The following RNF38 variants were observed in gnomAD, a reference collection of about 807,000 sequenced individuals.
RNF38 encodes ring finger protein 38.
A neutral mutation model predicts 67.2 loss-of-function variants in RNF38; 15 were observed. The ratio of observed to expected loss-of-function variants is 0.22; its 90% CI spans 0.15 to 0.34. The LOEUF is 0.34. RNF38 is among the 10% of genes least tolerant of loss of function. RNF38 has a pLI of 1.00. For synonymous variants in RNF38, 220 were observed against 218.8 expected (o/e 1.01, Z -0.05); for missense variants, 524 against 639.9 (o/e 0.82, Z 1.95).
At chr9:36,443,037 T>C (rs1237045480) in intron 1 of RNF38, among the ~76,000 whole-genome samples, 1 of 152,212 alleles carries the variant, frequency 6.6e-6, no homozygotes, top group East Asian at 1.9e-4. Flanking sequence ...AATGTGAACC[T>C]AGAAGAAAAG....
rs1312794726 is a variant in RNF38, at chr9:36,432,477, G to C, written n.242-7794C>G. ...CCACTCATAACTTCCCATTTTACAA[G>C]GGTCAATGGTAAAATTCAAAGAAAT... On this transcript the variant is annotated intron_variant and non_coding_transcript_variant, in intron 1 of 3. Coordinates refer to the RNF38 transcript ENST00000488058. Among the ~76,000 whole-genome samples the C allele has an allele frequency of 2.0e-5, 3 of 152,112 alleles. No individual in the cohort carries two copies. The East Asian group carries it at 5.8e-4, about 29-fold the overall frequency.
At chr9:36,399,170 C>T (rs1837788335) in intron 1 of RNF38, among the ~76,000 whole-genome samples, 1 of 152,124 alleles carries the variant, frequency 6.6e-6, no homozygotes, top group South Asian at 2.1e-4. Context: ...TAATACTTGA[C>T]AATTTAACTA....
At chr9:36,400,499 G>C (rs1300443066), upstream of RNF38, 23 of 1,002,610 alleles carry the variant, frequency 2.3e-5, no homozygotes, top group South Asian at 9.0e-5. Context: ...GGCTCTCAAC[G>C]GCCCGCAGCC....
chr9:36,483,764 G>A (rs1840336341), intron 1 of RNF38, among the ~76,000 whole-genome samples: 1 of 152,078 alleles, frequency 6.6e-6, no homozygotes, highest in Admixed American at 6.6e-5. Flanking sequence ...TTACCTTTGG[G>A]GGTTTTACTT....
intron 2 of RNF38, among the ~76,000 whole-genome samples, chr9:36,380,587 G>A (rs929113215): frequency 7.2e-5 from 11 of 152,232 alleles, no homozygotes; most frequent in African/African-American, 2.6e-4. Context: ...CCACATCCCG[G>A]GCTAAAGAGA....
intron 2 of RNF38, among the ~76,000 whole-genome samples, chr9:36,388,974 A>G (rs1189724005): frequency 6.6e-6 from 1 of 152,090 alleles, no homozygotes; most frequent in African/African-American, 2.4e-5. Flanking sequence ...AAAAGATATC[A>G]ACTAGCTGAA....
At chr9:36,405,198 C>T (rs908819418), upstream of RNF38, among the ~76,000 whole-genome samples, 6 of 151,738 alleles carry the variant, frequency 4.0e-5, no homozygotes, top group Admixed American at 1.3e-4. Context: ...ACCCAGGAGG[C>T]GGAGGTTGCA....
At chr9:36,448,430 T>C (rs558150144) in intron 1 of RNF38, among the ~76,000 whole-genome samples, 117 of 152,192 alleles carry the variant, frequency 7.7e-4, no homozygotes, top group Non-Finnish European at 1.4e-3. Flanking sequence ...CAACAAATAC[T>C]AGTCCTGTCC....
intron 1 of RNF38, among the ~76,000 whole-genome samples, chr9:36,449,863 T>C (rs1299050720): frequency 6.6e-6 from 1 of 152,190 alleles, no homozygotes; most frequent in Non-Finnish European, 1.5e-5. Context: ...TCCAATATCA[T>C]GTTTTATTTT....
chr9:36,467,481 G>A (rs1049516123), intron 1 of RNF38, among the ~76,000 whole-genome samples: 3 of 152,066 alleles, frequency 2.0e-5, no homozygotes, highest in Non-Finnish European at 4.4e-5. Flanking sequence ...GGGCCTGAGA[G>A]AAGAGCCTAG....
chr9:36,355,563 A>AT (rs1834039149), intron 6 of RNF38, among the ~76,000 whole-genome samples: 1 of 152,216 alleles, frequency 6.6e-6, no homozygotes, highest in Non-Finnish European at 1.5e-5. Context: ...CCTTGCCTAA[A>AT]TGAATACAAA....
intron 4 of RNF38, among the ~76,000 whole-genome samples, chr9:36,360,064 C>A (rs1162230421): frequency 2.0e-5 from 3 of 151,988 alleles, no homozygotes; most frequent in African/African-American, 7.2e-5. Context: ...ACTTTTTATA[C>A]CCAGAAACAT....
chr9:36,395,646 T>C (rs902799881), intron 1 of RNF38, among the ~76,000 whole-genome samples: 9 of 152,174 alleles, frequency 5.9e-5, no homozygotes, highest in Non-Finnish European at 1.0e-4. Context: ...TGGAAGTAAT[T>C]AGGTAGATTA....
chr9:36,428,142 C>T (rs932992964), intron 1 of RNF38, among the ~76,000 whole-genome samples: 4 of 151,850 alleles, frequency 2.6e-5, no homozygotes, highest in African/African-American at 7.3e-5. Flanking sequence ...TGAGGCCAGG[C>T]GCGGTGGCTC....
intron 1 of RNF38, among the ~76,000 whole-genome samples, chr9:36,466,334 G>A (rs1297308871): frequency 6.6e-6 from 1 of 152,146 alleles, no homozygotes; most frequent in Non-Finnish European, 1.5e-5. Flanking sequence ...TAGTGGTACT[G>A]GTTACACAAC....
intron 1 of RNF38, among the ~76,000 whole-genome samples, chr9:36,486,809 A>T (rs1033937982): frequency 2.0e-5 from 3 of 151,906 alleles, no homozygotes; most frequent in African/African-American, 7.3e-5. Flanking sequence ...GTAAGAGATC[A>T]TTACTCCCAA....
At chr9:36,462,783 T>A (rs1839764308) in intron 1 of RNF38, among the ~76,000 whole-genome samples, 1 of 151,952 alleles carries the variant, frequency 6.6e-6, no homozygotes, top group African/African-American at 2.4e-5. Flanking sequence ...TAAGTGATTG[T>A]CGTGCCTCAG....
chr9:36,352,268 G>A (rs2133488152), intron 8 of RNF38, among the ~76,000 whole-genome samples: 1 of 151,660 alleles, frequency 6.6e-6, no homozygotes, highest in Middle Eastern at 3.4e-3. Context: ...TGGTGCCACT[G>A]CACTCCAGCA....
At chr9:36,402,898 G>C (rs1838089204), upstream of RNF38, among the ~76,000 whole-genome samples, 1 of 152,000 alleles carries the variant, frequency 6.6e-6, no homozygotes, top group African/African-American at 2.4e-5. Context: ...TGTCGCCCAG[G>C]CTGGAGTGCA....
Sources: allele counts gnomAD v4.1 joint callset (sites outside exome capture counted in the v4.1 genomes callset), GRCh38; gene constraint gnomAD v4.1.1; transcripts MANE v1.5; gene names NCBI Gene and HGNC (gene_info 2026-07-23, HGNC 2026-07-21).